SDCBP: variants seen among roughly 807,000 people sequenced by gnomAD.
The protein encoded by SDCBP is syndecan binding protein.
Under a neutral mutation model 30.5 loss-of-function variants are expected in SDCBP, and 22 were observed. The ratio of observed to expected loss-of-function variants is 0.72; its 90% CI spans 0.52 to 1.03. The LOEUF (loss-of-function observed/expected upper bound fraction) is 1.03. SDCBP is among the 50% of genes least tolerant of loss of function. The pLI is 0.00. For missense variants in SDCBP, 304 were observed against 369.9 expected (o/e 0.82, Z 1.46); for synonymous variants, 103 against 118.7 (o/e 0.87, Z 0.86).
chr8:58,582,851 AGTCT>A (rs1165168466), exon 9 of SDCBP: 3 of 152,484 alleles, frequency 2.0e-5, no homozygotes, highest in Admixed American at 1.3e-4. Flanking sequence ...GTTACATTTT[AGTCT>A]GTCTATTACT....
rs1475730475 is a variant in SDCBP at position 58,582,792 on chromosome 8, TTTC to T, written c.*1058_*1060del. 1 of 152,648 alleles carries T rather than the reference TTTC, an allele frequency of 6.6e-6. No individual in the cohort carries two copies. Among genetic ancestry groups the T allele is most frequent in the Non-Finnish European group, 1.5e-5 (1 of 68,028 alleles). The allele number at this position is 152,648 out of a possible 1,614,324, so 9.5% of individuals were successfully genotyped here. A position where few individuals can be genotyped will look rare whatever the true frequency, so the allele number is the denominator to read the frequency against. On this transcript the variant is annotated 3_prime_UTR_variant, in exon 9 of 9. Transcript: ENST00000260130. ...ATAGTTGACACTTTATCCTGATTTT[TTTC>T]TTCTTTTTGGTTTATGTCTATTCTA...
At position 58,582,318 on chromosome 8, in the gene SDCBP, A is replaced by G. The variant is rs1805736223; in HGVS notation, c.*578A>G. 6.5e-6 allele frequency: 1 copy of G among 152,780 alleles called. No homozygotes were observed. The highest frequency in any genetic ancestry group is 2.4e-5 in the African/African-American group (1 of 41,456). The allele number at this position is 152,780 out of a possible 1,614,324, so 9.5% of individuals were successfully genotyped here. A position where few individuals can be genotyped will look rare whatever the true frequency, so the allele number is the denominator to read the frequency against. Reference sequence around the variant, plus strand: ...TAAATTTTAACTACCTTCACTTAATATGCTTGAACTGTCGCCTTAACTATG... The same window carrying G: ...TAAATTTTAACTACCTTCACTTAATGTGCTTGAACTGTCGCCTTAACTATG... On this transcript the variant is annotated 3_prime_UTR_variant, in exon 9 of 9. Coordinates refer to ENST00000260130, the MANE Select transcript of SDCBP (RefSeq NM_005625.4).
chr8:58,563,515 A>G (rs1262608540), intron 1 of SDCBP, among the ~76,000 whole-genome samples: 1 of 152,150 alleles, frequency 6.6e-6, no homozygotes, highest in South Asian at 2.1e-4. Context: ...GAATATACTA[A>G]AAACCATTGC....
intron 1 of SDCBP, among the ~76,000 whole-genome samples, chr8:58,562,525 G>T (rs1585683456): frequency 6.7e-6 from 1 of 148,810 alleles, no homozygotes; most frequent in East Asian, 2.0e-4. Flanking sequence ...AATTGAGATT[G>T]CAGAAATAAG....
At chr8:58,566,347 TA>T (rs1804708693) in intron 2 of SDCBP, among the ~76,000 whole-genome samples, 1 of 152,202 alleles carries the variant, frequency 6.6e-6, no homozygotes, top group South Asian at 2.1e-4. Context: ...CTTTTTTTGT[TA>T]GCTTTTTATG....
At chr8:58,564,278 T>C (rs1027279815) in intron 1 of SDCBP, among the ~76,000 whole-genome samples, 10 of 152,332 alleles carry the variant, frequency 6.6e-5, no homozygotes, top group Non-Finnish European at 1.3e-4. Context: ...TTCTGTTTTA[T>C]TGGGTTGAGT....
Position 58,578,184 on chromosome 8 carries a change from A to G in SDCBP, c.554A>G (p.Lys185Arg). ...GTGCTCAAACAGGCTTTTGGAGAGA[A>G]GATTACCATGACCATTCGTGACAGG... is the stretch of plus-strand genomic sequence containing the variant. ...HKVLKQAFGE[K>R]ITMTIRDRPF... is the part of the protein sequence containing the mutation. The change falls in exon 6 of 9, where the codon AAG becomes AGG. Residue 185 changes from lysine to arginine, a missense_variant. Physicochemically the swap from Lys to Arg is conservative, Grantham distance 26. Transcript: ENST00000260130. 1 of 1,578,336 alleles carries G rather than the reference A, an allele frequency of 6.3e-7. No homozygotes were observed. Among genetic ancestry groups the G allele is most frequent in the Non-Finnish European group, 8.6e-7 (1 of 1,165,588 alleles).
At chr8:58,562,900 A>T (rs1375845854) in intron 1 of SDCBP, among the ~76,000 whole-genome samples, 2 of 152,180 alleles carry the variant, frequency 1.3e-5, no homozygotes, top group African/African-American at 2.4e-5. Flanking sequence ...CAATCTACAG[A>T]ATAAGAAAAG....
chr8:58,581,679 C>T lies in SDCBP; in HGVS notation c.843-7C>T. On this transcript the variant is annotated splice_polypyrimidine_tract_variant and splice_region_variant and intron_variant, in intron 8 of 8. Transcript: ENST00000260130. ...CTCGGTATATAATAAAAGTACCTCT[C>T]TTGTAGGATGGCACCAAGCATTATG... 1.2e-6 allele frequency: 2 copies of T among 1,608,712 alleles called. No homozygotes were observed. The highest frequency in any genetic ancestry group is 1.7e-6 in the Non-Finnish European group (2 of 1,175,362).
At chr8:58,561,299 CA>C (rs1285726830) in intron 1 of SDCBP, 1 of 153,022 alleles carries the variant, frequency 6.5e-6, no homozygotes, top group African/African-American at 2.4e-5. Flanking sequence ...GAGAAAGGAG[CA>C]AAAAGCTTAT....
At position 58,576,000 on chromosome 8, in the gene SDCBP, A is replaced by G. The variant is rs202039014; in HGVS notation, c.341A>G (p.Glu114Gly). Residue 114 changes from glutamate (E) to glycine (G), a missense_variant, in exon 5 of 9, where the codon GAA (glutamate) becomes GGA (glycine). Coordinates refer to ENST00000260130, the MANE Select transcript of SDCBP (RefSeq NM_005625.4). ...RRAEIKQGIREVILCKDQDGK... is the reference protein window; with the variant it reads ...RRAEIKQGIRGVILCKDQDGK... ...GCAGAAATTAAGCAAGGGATTCGTG[A>G]AGTCATTTTGTGTAAGGATCAAGAT... is the stretch of plus-strand genomic sequence containing the variant. 56 of 1,613,766 alleles carry G rather than the reference A, an allele frequency of 3.5e-5. No individual in the cohort carries two copies. Among genetic ancestry groups the G allele is most frequent in the African/African-American group, 2.7e-5 (2 of 75,038 alleles).
chr8:58,575,939 G>A lies in SDCBP; in HGVS notation c.280G>A (p.Ala94Thr), dbSNP rs893675309. 7.4e-6 allele frequency: 12 copies of A among 1,613,406 alleles called. No individual in the cohort carries two copies. The highest frequency in any genetic ancestry group is 1.0e-5 in the Non-Finnish European group (12 of 1,179,520). Residue 94 changes from alanine (A) to threonine (T), a missense_variant, in exon 5 of 9, where the codon GCT (alanine) becomes ACT (threonine). By Grantham distance (58) the Ala-to-Thr change is moderately conservative (BLOSUM62 0). Transcript: ENST00000260130. ...ARPSSINYMVAPVTGNDVGIR... is the reference protein window; with the variant it reads ...ARPSSINYMVTPVTGNDVGIR... Reference sequence around the variant, plus strand: ...ACCTTCCAGTATAAACTATATGGTGGCTCCTGTAACTGGTAATGATGTTGG... The same window carrying A: ...ACCTTCCAGTATAAACTATATGGTGACTCCTGTAACTGGTAATGATGTTGG...
At chr8:58,570,660 A>T (rs1313055415) in intron 2 of SDCBP, 1 of 427,924 alleles carries the variant, frequency 2.3e-6, no homozygotes, top group African/African-American at 2.0e-5. Flanking sequence ...TGGTACTTCT[A>T]CAATTTTTTT....
At chr8:58,570,476 T>G (rs1324143397) in intron 2 of SDCBP, among the ~76,000 whole-genome samples, 1 of 150,294 alleles carries the variant, frequency 6.7e-6, no homozygotes, top group Middle Eastern at 3.2e-3. Context: ...TTCTGATATG[T>G]GACTTTTATA....
chr8:58,570,493 T>G lies in SDCBP; in HGVS notation c.52-394T>G, dbSNP rs60002328. On this transcript the variant is annotated intron_variant, in intron 2 of 8. Transcript: ENST00000260130. ...CTGATATGTGACTTTTATATGAATA[T>G]GGGTAAGGTTTTTTCTTATGCAAAT... Among the ~76,000 whole-genome samples, 309 of 152,276 alleles carry G rather than the reference T, an allele frequency of 2.0e-3. 1 individual carries two copies. The highest frequency in any genetic ancestry group is 6.5e-3 in the African/African-American group (270 of 41,550).
chr8:58,560,000 G>A (rs1411271439), intron 1 of SDCBP, among the ~76,000 whole-genome samples: 2 of 152,182 alleles, frequency 1.3e-5, no homozygotes, highest in Non-Finnish European at 2.9e-5. Flanking sequence ...TCTGCCCAAG[G>A]GTCTGGTTTT....
chr8:58,569,439 A>G (rs1296488786), intron 2 of SDCBP, among the ~76,000 whole-genome samples: 1 of 151,972 alleles, frequency 6.6e-6, no homozygotes, highest in East Asian at 1.9e-4. Flanking sequence ...GCCTCAAGCA[A>G]CTCTCCAGCT....
intron 4 of SDCBP, among the ~76,000 whole-genome samples, chr8:58,573,448 T>C (rs1266684203): frequency 6.6e-6 from 1 of 152,212 alleles, no homozygotes; most frequent in Non-Finnish European, 1.5e-5. Flanking sequence ...TAATTGCAGA[T>C]AGCTAGCTGC....
intron 3 of SDCBP, among the ~76,000 whole-genome samples, chr8:58,571,381 G>A (rs1037274543): frequency 5.9e-5 from 9 of 151,972 alleles, no homozygotes; most frequent in Non-Finnish European, 1.2e-4. Context: ...CTCCTCTTTG[G>A]GAAGCCTCCT....
Sources: allele counts gnomAD v4.1 joint callset (sites outside exome capture counted in the v4.1 genomes callset), GRCh38; gene constraint gnomAD v4.1.1; transcripts MANE v1.5; gene names NCBI Gene and HGNC (gene_info 2026-07-23, HGNC 2026-07-21).